HSDL2: variants seen among roughly 807,000 people sequenced by gnomAD.
HSDL2 encodes hydroxysteroid dehydrogenase like 2.
A neutral mutation model predicts 46.3 loss-of-function variants in HSDL2; 27 were observed. That is an observed-to-expected ratio of 0.58 (90% CI 0.43 to 0.80). The LOEUF (loss-of-function observed/expected upper bound fraction) is 0.80. HSDL2 is among the 30% of genes least tolerant of loss of function. The pLI, the probability that HSDL2 is intolerant of heterozygous loss-of-function variation, is 0.00. For missense variants in HSDL2, 451 were observed against 502.7 expected (o/e 0.90, Z 0.98); for synonymous variants, 153 against 163.6 (o/e 0.94, Z 0.50).
At chr9:112,407,854 C>T (rs1831765615) in intron 3 of HSDL2, among the ~76,000 whole-genome samples, 1 of 152,152 alleles carries the variant, frequency 6.6e-6, no homozygotes, top group South Asian at 2.1e-4. Context: ...GTACACTTCA[C>T]AAAGAATAAT....
chr9:112,455,188 G>A (rs548035931), intron 9 of HSDL2, among the ~76,000 whole-genome samples: 19 of 151,922 alleles, frequency 1.3e-4, no homozygotes, highest in African/African-American at 2.2e-4. Context: ...CACTGCGATC[G>A]CATCTGTGAA....
intron 10 of HSDL2, among the ~76,000 whole-genome samples, chr9:112,465,005 T>C (rs188932542): frequency 4.6e-5 from 7 of 152,242 alleles, no homozygotes; most frequent in Non-Finnish European, 1.0e-4. Context: ...TAATATGTGA[T>C]CTTTTGTGAC....
chr9:112,421,602 T>C (rs1358529839), intron 6 of HSDL2, among the ~76,000 whole-genome samples: 3 of 152,160 alleles, frequency 2.0e-5, no homozygotes, highest in Non-Finnish European at 4.4e-5. Flanking sequence ...GGTTTAGCCA[T>C]GTTGGCCAGG....
At chr9:112,427,463 A>G (rs1440460952) in intron 6 of HSDL2, among the ~76,000 whole-genome samples, 2 of 152,246 alleles carry the variant, frequency 1.3e-5, no homozygotes, top group Admixed American at 1.3e-4. Context: ...CAAAATTATT[A>G]TCATAGCTAA....
chr9:112,459,647 C>A (rs1833143730), intron 10 of HSDL2, 70 bp downstream of exon 10: 1 of 1,335,924 alleles, frequency 7.5e-7, no homozygotes, highest in South Asian at 1.2e-5. Flanking sequence ...TTGCTTTATC[C>A]CTTCCCAAAT....
intron 6 of HSDL2, among the ~76,000 whole-genome samples, chr9:112,430,279 G>A (rs764878823): frequency 1.3e-5 from 2 of 152,228 alleles, no homozygotes; most frequent in Non-Finnish European, 2.9e-5. Flanking sequence ...AACATGCAAG[G>A]CAGAGGAAGC....
At chr9:112,384,324 A>G (rs186237038) in intron 1 of HSDL2, among the ~76,000 whole-genome samples, 132 of 152,142 alleles carry the variant, frequency 8.7e-4, no homozygotes, top group African/African-American at 3.0e-3. Flanking sequence ...CTTGCCTTCT[A>G]TATTCTGGTA....
intron 10 of HSDL2, among the ~76,000 whole-genome samples, chr9:112,465,388 C>T (rs1282945149): frequency 6.6e-6 from 1 of 152,188 alleles, no homozygotes; most frequent in Non-Finnish European, 1.5e-5. Context: ...CTCGGCCTGC[C>T]AAAGTGCTGG....
intron 8 of HSDL2, among the ~76,000 whole-genome samples, chr9:112,446,002 C>T (rs1319075535): frequency 3.3e-5 from 5 of 152,208 alleles, no homozygotes; most frequent in East Asian, 3.9e-4. Flanking sequence ...ATATAGTTTT[C>T]GTGTGGAAGA....
At chr9:112,405,497 T>C (rs1831705204) in intron 2 of HSDL2, 127 bp from the exon 3 acceptor site, 7 of 616,058 alleles carry the variant, frequency 1.1e-5, no homozygotes, top group South Asian at 6.6e-5. Context: ...TCACTGGTGG[T>C]AAGATAGAGT....
chr9:112,381,977 C>T (rs1386665721), intron 1 of HSDL2, among the ~76,000 whole-genome samples: 8 of 152,160 alleles, frequency 5.3e-5, no homozygotes, highest in Non-Finnish European at 1.2e-4. Flanking sequence ...GTGGCTCACG[C>T]CTGTAGTCCC....
chr9:112,402,569 G>A lies in HSDL2; in HGVS notation c.18-1426G>A, dbSNP rs1454610772. 5.7e-5 allele frequency among the ~76,000 whole-genome samples: 8 copies of A among 140,352 alleles called. No homozygotes were observed. The East Asian group carries it at 1.1e-3, about 19-fold the overall frequency. The allele number at this position is 140,352 out of a possible 152,430, so 92.1% of individuals were successfully genotyped here. A position where few individuals can be genotyped will look rare whatever the true frequency, so the allele number is the denominator to read the frequency against. On this transcript the variant is annotated intron_variant, in intron 1 of 10. Coordinates refer to ENST00000398805, the MANE Select transcript of HSDL2 (RefSeq NM_032303.5). ...CTGTCTTAAAAAAAAAAAAAAGCAC[G>A]TAGGAGTTCAAGGCCAGCCTGAGTA...
intron 9 of HSDL2, 119 bp from the exon 10 acceptor site, chr9:112,459,330 G>A: frequency 1.9e-6 from 2 of 1,072,672 alleles, no homozygotes; most frequent in Non-Finnish European, 2.7e-6. Context: ...ACTGATGGAG[G>A]TCTGGGGATT....
At chr9:112,394,352 C>T (rs371531202) in intron 1 of HSDL2, among the ~76,000 whole-genome samples, 6 of 152,212 alleles carry the variant, frequency 3.9e-5, no homozygotes, top group South Asian at 2.1e-4. Context: ...AGGGAAAGAA[C>T]GAGCTGAACT....
intron 6 of HSDL2, among the ~76,000 whole-genome samples, chr9:112,422,646 CA>C (rs1832151095): frequency 6.6e-6 from 1 of 152,062 alleles, no homozygotes; most frequent in Admixed American, 6.6e-5. Flanking sequence ...CCAGGAGTCC[CA>C]GAAGGAGGTC....
chr9:112,398,905 G>A (rs959017141), intron 1 of HSDL2, among the ~76,000 whole-genome samples: 1 of 151,930 alleles, frequency 6.6e-6, no homozygotes, highest in Non-Finnish European at 1.5e-5. Flanking sequence ...ATATAGCAGA[G>A]ATAAGCATAA....
At chr9:112,432,794 CAG>C (rs1247139044) in intron 6 of HSDL2, among the ~76,000 whole-genome samples, 1 of 152,088 alleles carries the variant, frequency 6.6e-6, no homozygotes. Flanking sequence ...TTTTTTGAGA[CAG>C]AATCTCTGTC....
chr9:112,453,898 C>A, intron 8 of HSDL2, 115 bp from the exon 9 acceptor site: 1 of 907,312 alleles, frequency 1.1e-6, no homozygotes, highest in South Asian at 1.8e-5. Context: ...CATTTAAAGT[C>A]ATTTTGGTCA....
intron 6 of HSDL2, among the ~76,000 whole-genome samples, chr9:112,426,401 A>C (rs1400916511): frequency 1.3e-5 from 2 of 152,098 alleles, no homozygotes; most frequent in Non-Finnish European, 1.5e-5. Flanking sequence ...ATGCCTGGCT[A>C]ATTTTTGTAT....
Sources: gnomAD v4.1 joint callset for allele counts (sites outside exome capture counted in the v4.1 genomes callset) on GRCh38, gnomAD v4.1.1 for gene constraint, MANE v1.5 for transcripts, NCBI Gene and HGNC (gene_info 2026-07-23, HGNC 2026-07-21) for gene names.